Variants in TECRL observed in about 807,000 individuals in gnomAD.
TECRL encodes the protein trans-2,3-enoyl-CoA reductase-like.
TECRL carries 63 observed loss-of-function variants against 52.8 expected under a neutral mutation model. The ratio of observed to expected loss-of-function variants is 1.19; its 90% CI spans 0.97 to 1.47. TECRL has a LOEUF of 1.47. Ranked by LOEUF, TECRL falls within the 40% of genes most tolerant of loss-of-function variation. The pLI, the probability that TECRL is intolerant of heterozygous loss-of-function variation, is 0.00. For missense variants in TECRL, 482 were observed against 429.6 expected (o/e 1.12, Z -1.08); for synonymous variants, 164 against 141.9 (o/e 1.16, Z -1.10).
chr4:64,314,698 A>G lies in TECRL; in HGVS notation c.501T>C (p.Cys167=), dbSNP rs1717357344. 2.5e-6 allele frequency: 4 copies of G among 1,613,378 alleles called. No individual in the cohort carries two copies. The highest frequency in any genetic ancestry group is 2.7e-5 in the African/African-American group (2 of 74,772). Residue 167 remains cysteine, a synonymous_variant, in exon 5 of 12, where the codon TGT becomes TGC. Transcript: ENST00000381210. ...TAGCACTCTCTTTTCCATCATATAT[A>G]CATGGGATCCTCAAATAAAAGAGGA... The part of the protein sequence containing the change: ...IYLLFYLRIP[C]IYDGKESARR...
chr4:64,361,114 AC>A (rs1721162109), intron 2 of TECRL, among the ~76,000 whole-genome samples: 1 of 152,090 alleles, frequency 6.6e-6, no homozygotes, highest in Non-Finnish European at 1.5e-5. Flanking sequence ...GCATGACTGC[AC>A]CCACTTGCAG....
intron 1 of TECRL, among the ~76,000 whole-genome samples, chr4:64,380,802 G>T (rs1361758704): frequency 6.6e-6 from 1 of 152,002 alleles, no homozygotes; most frequent in Non-Finnish European, 1.5e-5. Flanking sequence ...CTATAGCTTT[G>T]AAGTATATTG....
intron 9 of TECRL, among the ~76,000 whole-genome samples, chr4:64,286,967 C>T (rs1396594069): frequency 1.3e-5 from 2 of 152,068 alleles, no homozygotes; most frequent in Non-Finnish European, 2.9e-5. Flanking sequence ...TGTTTCGCTT[C>T]TCTACTAAAA....
chr4:64,336,652 T>C (rs995359802), intron 2 of TECRL, among the ~76,000 whole-genome samples: 1 of 152,236 alleles, frequency 6.6e-6, no homozygotes, highest in Non-Finnish European at 1.5e-5. Context: ...TTTAGTGCTA[T>C]AAATTTCCCT....
chr4:64,399,878 T>A (rs1724228305), intron 1 of TECRL, among the ~76,000 whole-genome samples: 1 of 152,174 alleles, frequency 6.6e-6, no homozygotes. Context: ...GAAGCCATCA[T>A]GGAGAACCAC....
At chr4:64,408,191 A>G (rs938679676) in intron 1 of TECRL, among the ~76,000 whole-genome samples, 1 of 151,904 alleles carries the variant, frequency 6.6e-6, no homozygotes, top group Non-Finnish European at 1.5e-5. Context: ...AGAAAGGACT[A>G]AACAGCTTCT....
At chr4:64,326,229 T>C (rs762847929) in intron 3 of TECRL, among the ~76,000 whole-genome samples, 1 of 152,032 alleles carries the variant, frequency 6.6e-6, no homozygotes, top group Non-Finnish European at 1.5e-5. Context: ...TGGAAAAAAA[T>C]CTATTTTTTC....
intron 1 of TECRL, among the ~76,000 whole-genome samples, chr4:64,406,884 A>G (rs9998808): frequency 0.66 from 100,285 of 151,656 alleles, 35,102 homozygotes; most frequent in Non-Finnish European, 0.79. Flanking sequence ...GTACAATGAA[A>G]GGCACTTAAT....
chr4:64,328,028 AT>A, intron 3 of TECRL, among the ~76,000 whole-genome samples: 1 of 152,126 alleles, frequency 6.6e-6, no homozygotes. Context: ...AAGTGCATTT[AT>A]TGATAAATTT....
intron 8 of TECRL, among the ~76,000 whole-genome samples, chr4:64,297,009 A>G (rs921646854): frequency 1.3e-5 from 2 of 151,570 alleles, no homozygotes; most frequent in African/African-American, 4.8e-5. Context: ...GGGAGAGGTG[A>G]TAGACTATTT....
chr4:64,377,436 T>C (rs1722481692), intron 1 of TECRL, among the ~76,000 whole-genome samples: 1 of 152,070 alleles, frequency 6.6e-6, no homozygotes, highest in Non-Finnish European at 1.5e-5. Context: ...TTAGTTATCA[T>C]AACTTCCACT....
chr4:64,375,319 TACACA>T, intron 1 of TECRL, 96 bp from the exon 2 acceptor site: 3 of 592,024 alleles, frequency 5.1e-6, no homozygotes, highest in South Asian at 2.8e-5. Flanking sequence ...ATAAAATTCT[TACACA>T]ATAAGAATTT....
chr4:64,298,777 A>G (rs1315620574), intron 8 of TECRL: 1 of 151,140 alleles, frequency 6.6e-6, no homozygotes. Context: ...TCTAAAACAT[A>G]CTGAAATTAC....
intron 2 of TECRL, among the ~76,000 whole-genome samples, chr4:64,334,047 A>AAAAAAAAAAAAAG (rs1718865749): frequency 8.3e-6 from 1 of 120,080 alleles, no homozygotes; most frequent in Non-Finnish European, 1.7e-5. Context: ...AAAAAAAAAA[A>AAAAAAAAAAAAAG]AAGAAAAAGA....
intron 2 of TECRL, among the ~76,000 whole-genome samples, chr4:64,340,642 C>T (rs1301195111): frequency 2.0e-5 from 3 of 152,220 alleles, no homozygotes; most frequent in Non-Finnish European, 2.9e-5. Flanking sequence ...CATGTAGATG[C>T]CCCTTGGCAT....
At position 64,278,686 on chromosome 4, in the gene TECRL, G is replaced by A. The variant is rs1184349869; in HGVS notation, c.*1386C>T. ...TCTTAACTATAGTCGTCCTACAGTG[G>A]TATAGAACACCAGAAATTATTCCTC... On this transcript the variant is annotated 3_prime_UTR_variant, in exon 12 of 12. Coordinates refer to ENST00000381210, the MANE Select transcript of TECRL (RefSeq NM_001010874.5). 6.6e-6 allele frequency: 1 copy of A among 152,022 alleles called. No individual in the cohort carries two copies. Among genetic ancestry groups the A allele is most frequent in the Non-Finnish European group, 1.5e-5 (1 of 68,000 alleles). The allele number at this position is 152,022 out of a possible 1,614,324, so 9.4% of individuals were successfully genotyped here.
Position 64,347,088 on chromosome 4 carries a change from G to A in TECRL, c.287-18532C>T, listed in dbSNP as rs146662455. On this transcript the variant is annotated intron_variant, in intron 2 of 11. Coordinates refer to ENST00000381210, the MANE Select transcript of TECRL (RefSeq NM_001010874.5). ...ACAAGAGTGGGCCATATAAATGCAC[G>A]GATCTGCCTTTACAATCCTGAATTG... 3.3e-3 allele frequency among the ~76,000 whole-genome samples: 497 copies of A among 152,168 alleles called. 2 individuals carry two copies. Among genetic ancestry groups the A allele is most frequent in the African/African-American group, 0.012 (478 of 41,510 alleles).
At position 64,408,200 on chromosome 4, in the gene TECRL, C is replaced by CT. The variant is rs1464268774; in HGVS notation, c.234+917dup. Among the ~76,000 whole-genome samples, 3 of 151,958 alleles carry CT rather than the reference C, an allele frequency of 2.0e-5. No individual in the cohort carries two copies. The East Asian group carries it at 5.8e-4, about 29-fold the overall frequency. On this transcript the variant is annotated intron_variant, in intron 1 of 11. Transcript: ENST00000381210. ...TATTAAAGAAAGGACTAAACAGCTTCTTTTTTCCTTTTTTCTAAAGACCTA... is the reference window on the plus strand; with the variant it reads ...TATTAAAGAAAGGACTAAACAGCTTCTTTTTTTCCTTTTTTCTAAAGACCTA...
intron 2 of TECRL, among the ~76,000 whole-genome samples, chr4:64,328,796 A>T (rs1196809367): frequency 6.6e-6 from 1 of 151,814 alleles, no homozygotes; most frequent in Non-Finnish European, 1.5e-5. Flanking sequence ...TGATTTTGGG[A>T]CTTGTTATAT....
Sources: gnomAD v4.1 joint callset for allele counts (sites outside exome capture counted in the v4.1 genomes callset) on GRCh38, gnomAD v4.1.1 for gene constraint, MANE v1.5 for transcripts, NCBI Gene and HGNC (gene_info 2026-07-23, HGNC 2026-07-21) for gene names.